Variants in GLIS3 observed in about 807,000 individuals in gnomAD.
GLIS3 encodes the protein GLIS family zinc finger 3, also known as zinc finger protein GLIS3.
A neutral mutation model predicts 78.6 loss-of-function variants in GLIS3; 53 were observed. The ratio of observed to expected loss-of-function variants is 0.67; its 90% confidence interval spans 0.54 to 0.85. The LOEUF (loss-of-function observed/expected upper bound fraction) is 0.85. Among genes scored for constraint, GLIS3 ranks in the 40% least tolerant of loss-of-function variants. The probability of loss-of-function intolerance (pLI) is 0.00; values close to 1 mark genes in which losing one functional copy is unlikely to be tolerated. For missense variants in GLIS3, 1,703 were observed against 1,231.1 expected (o/e 1.38, Z -5.74); for synonymous variants, 684 against 509.9 (o/e 1.34, Z -4.60).
intron 4 of GLIS3, among the ~76,000 whole-genome samples, chr9:4,048,750 C>A (rs1055286775): frequency 1.3e-5 from 2 of 152,188 alleles, no homozygotes; most frequent in African/African-American, 4.8e-5. Context: ...CAAGGGCTGT[C>A]TTTCCAGCCA....
At chr9:4,483,050 T>C in the GLIS3 span, among the ~76,000 whole-genome samples, 1 of 152,196 alleles carries the variant, frequency 6.6e-6, no homozygotes, top group Non-Finnish European at 1.5e-5. Context: ...AAGTAGAGCT[T>C]GCAAGGGAAA....
chr9:3,976,663 G>A (rs562525965), intron 4 of GLIS3, among the ~76,000 whole-genome samples: 4 of 151,158 alleles, frequency 2.6e-5, no homozygotes, highest in Non-Finnish European at 5.9e-5. Flanking sequence ...TCACCATAAG[G>A]CTGCAAGAGC....
the GLIS3 span, among the ~76,000 whole-genome samples, chr9:4,468,655 C>A: frequency 1.4e-4 from 21 of 152,300 alleles, no homozygotes; most frequent in African/African-American, 5.1e-4. Flanking sequence ...TGGAAAGGAA[C>A]AACTGGTACC....
the GLIS3 span, among the ~76,000 whole-genome samples, chr9:4,430,257 T>C: frequency 6.6e-6 from 1 of 152,222 alleles, no homozygotes; most frequent in African/African-American, 2.4e-5. Flanking sequence ...TGCATGAGAA[T>C]ATGGGTCCAG....
chr9:4,256,929 C>T (rs1393057426), intron 2 of GLIS3, among the ~76,000 whole-genome samples: 1 of 152,158 alleles, frequency 6.6e-6, no homozygotes, highest in African/African-American at 2.4e-5. Context: ...TCAATAGCCA[C>T]GATATTGAAA....
chr9:4,374,686 C>A, the GLIS3 span, among the ~76,000 whole-genome samples: 1 of 152,246 alleles, frequency 6.6e-6, no homozygotes, highest in Non-Finnish European at 1.5e-5. Context: ...AAGTTGGCAG[C>A]AAAGCCCTCT....
At chr9:3,848,195 A>G (rs10973777) in intron 9 of GLIS3, among the ~76,000 whole-genome samples, 35,509 of 152,198 alleles carry the variant, frequency 0.23, 5,140 homozygotes, top group Middle Eastern at 0.32. Context: ...TGTCTTTAAA[A>G]TCAGCCTTTA....
chr9:4,451,851 T>G, the GLIS3 span, among the ~76,000 whole-genome samples: 1 of 151,616 alleles, frequency 6.6e-6, no homozygotes, highest in South Asian at 2.1e-4. Flanking sequence ...TAAAACAGTG[T>G]GTATACAGGG....
intron 4 of GLIS3, among the ~76,000 whole-genome samples, chr9:4,061,120 G>C (rs538367074): frequency 6.6e-6 from 1 of 151,898 alleles, no homozygotes; most frequent in East Asian, 1.9e-4. Flanking sequence ...CAACGTGCAG[G>C]TTTGTTACAT....
At position 4,153,335 on chromosome 9, in the gene GLIS3, G is replaced by A. The variant is rs141119494; in HGVS notation, c.389-27394C>T. Among the ~76,000 whole-genome samples the A allele has an allele frequency of 5.9e-3, 897 of 152,190 alleles. 22 individuals carry two copies. The highest frequency in any genetic ancestry group is 0.051 in the Admixed American group (784 of 15,280). On this transcript the variant is annotated intron_variant, in intron 2 of 10. Coordinates refer to ENST00000381971, the MANE Select transcript of GLIS3 (RefSeq NM_001042413.2). ...TCCCAGCACTTTGGGAGGCTGAGGC[G>A]GGCAGATCATTTGAGGTCAGGAGTT...
In GLIS3 at chr9:4,018,235, T is replaced by C. The variant is rs193027002; in HGVS notation, c.1711-81046A>G. 2.1e-4 allele frequency among the ~76,000 whole-genome samples: 32 copies of C among 152,330 alleles called. No individual in the cohort carries two copies. The East Asian group carries it at 5.8e-3, about 28-fold the overall frequency. On this transcript the variant is annotated intron_variant, in intron 4 of 10. Transcript: ENST00000381971. ...TGTCACATCCTCACAGGAGGAGAAC[T>C]GAATATAAAATGAGCAATTAGGGTG...
chr9:4,337,309 T>A (rs959090907), intron 2 of GLIS3, among the ~76,000 whole-genome samples: 7 of 152,166 alleles, frequency 4.6e-5, no homozygotes, highest in African/African-American at 1.7e-4. Context: ...GGAAATAACA[T>A]AAATGTCTAA....
chr9:4,156,587 T>C (rs1835056255), intron 2 of GLIS3, among the ~76,000 whole-genome samples: 1 of 152,184 alleles, frequency 6.6e-6, no homozygotes, highest in Admixed American at 6.5e-5. Flanking sequence ...GGTCTAAATT[T>C]TATATTTCCC....
chr9:4,080,515 G>A (rs1828464348), intron 4 of GLIS3, among the ~76,000 whole-genome samples: 1 of 152,132 alleles, frequency 6.6e-6, no homozygotes, highest in Admixed American at 6.5e-5. Context: ...CCATACTGGA[G>A]CTAAGGGAAA....
At chr9:4,254,769 A>G (rs904637210) in intron 2 of GLIS3, among the ~76,000 whole-genome samples, 1 of 151,426 alleles carries the variant, frequency 6.6e-6, no homozygotes, top group Admixed American at 6.6e-5. Context: ...GAGCCTGGGA[A>G]GCGGAGGTTG....
At chr9:4,325,705 A>T (rs1356921606) in intron 2 of GLIS3, among the ~76,000 whole-genome samples, 1 of 152,138 alleles carries the variant, frequency 6.6e-6, no homozygotes, top group Non-Finnish European at 1.5e-5. Flanking sequence ...TTTTGAGATA[A>T]ATATGTTTGT....
At chr9:4,161,675 C>CTTTTTTTT (rs55904647) in intron 2 of GLIS3, among the ~76,000 whole-genome samples, 2 of 114,214 alleles carry the variant, frequency 1.8e-5, no homozygotes, top group African/African-American at 3.5e-5. Context: ...TGCTAGAAGT[C>CTTTTTTTT]TTTTTTTTTT....
intron 6 of GLIS3, among the ~76,000 whole-genome samples, chr9:3,905,336 C>G (rs972197829): frequency 6.6e-6 from 1 of 151,966 alleles, no homozygotes; most frequent in African/African-American, 2.4e-5. Flanking sequence ...AGAGCTTGTT[C>G]TAGGAGGGAA....
Position 4,290,303 on chromosome 9 carries a change from C to T in GLIS3, c.-98-3780G>A, listed in dbSNP as rs148119134. ...CTGCATAGAAAACCCGATAATGAGG[C>T]ACAAAATACTGGCCAGCAAACAAAC... is the stretch of plus-strand genomic sequence containing the variant. On this transcript the variant is annotated intron_variant, in intron 1 of 10. Coordinates refer to ENST00000381971, the MANE Select transcript of GLIS3 (RefSeq NM_001042413.2). 2.0e-5 allele frequency among the ~76,000 whole-genome samples: 3 copies of T among 152,274 alleles called. No homozygotes were observed. In the East Asian group the frequency reaches 5.8e-4, roughly 29 times the overall value.
Sources: allele counts gnomAD v4.1 joint callset (sites outside exome capture counted in the v4.1 genomes callset), GRCh38; gene constraint gnomAD v4.1.1; transcripts MANE v1.5; gene names NCBI Gene and HGNC (gene_info 2026-07-23, HGNC 2026-07-21).